FRMD4A: variants seen among roughly 807,000 people sequenced by gnomAD.
FRMD4A encodes the protein FERM domain-containing protein 4A.
In FRMD4A, 29 loss-of-function variants were observed where a neutral mutation model predicts 129.1. That is an observed-to-expected ratio of 0.22 (90% confidence interval 0.17 to 0.31). The LOEUF is 0.31. Among genes scored for constraint, FRMD4A ranks in the 10% least tolerant of loss-of-function variants. The pLI, the probability that FRMD4A is intolerant of heterozygous loss-of-function variation, is 1.00. For synonymous variants in FRMD4A, 634 were observed against 571.6 expected, an observed-to-expected ratio of 1.11 and a Z score of -1.56; for missense variants, 1,272 against 1,375.8, an observed-to-expected ratio of 0.92 and a Z score of 1.19.
intron 2 of FRMD4A, among the ~76,000 whole-genome samples, chr10:14,138,594 G>T (rs1175568222): frequency 2.6e-5 from 4 of 151,750 alleles, no homozygotes; most frequent in Non-Finnish European, 5.9e-5. Context: ...CACCATCTCT[G>T]CTAAAAATAC....
intron 2 of FRMD4A, among the ~76,000 whole-genome samples, chr10:14,068,860 C>G (rs941636751): frequency 6.6e-6 from 1 of 151,950 alleles, no homozygotes; most frequent in African/African-American, 2.4e-5. Flanking sequence ...TTCATTCTCT[C>G]TCTCTCTTTC....
intron 24 of FRMD4A, chr10:13,651,571 AG>A (rs1255500445): frequency 4.3e-4 from 117 of 269,994 alleles, no homozygotes; most frequent in African/African-American, 2.5e-3. Context: ...TGTAGCTACT[AG>A]GGAGCCAGGA....
At chr10:13,739,052 C>T (rs2090832286) in intron 11 of FRMD4A, among the ~76,000 whole-genome samples, 1 of 152,152 alleles carries the variant, frequency 6.6e-6, no homozygotes, top group Non-Finnish European at 1.5e-5. Context: ...AGCAGCTTTT[C>T]CCTAATTGCC....
intron 2 of FRMD4A, among the ~76,000 whole-genome samples, chr10:13,933,756 A>G (rs11591950): frequency 0.2 from 31,132 of 152,148 alleles, 3,565 homozygotes; most frequent in Non-Finnish European, 0.25. Flanking sequence ...TCTCTCCTGT[A>G]TCTCTGCCCC....
At chr10:13,727,228 A>G (rs2089961439) in intron 12 of FRMD4A, among the ~76,000 whole-genome samples, 1 of 152,140 alleles carries the variant, frequency 6.6e-6, no homozygotes, top group African/African-American at 2.4e-5. Context: ...ACACATTTCC[A>G]TGTGATGAGG....
chr10:13,937,530 C>T (rs1320879221), intron 2 of FRMD4A, among the ~76,000 whole-genome samples: 1 of 152,102 alleles, frequency 6.6e-6, no homozygotes, highest in African/African-American at 2.4e-5. Flanking sequence ...TAGGTTTAGA[C>T]CCGCCTCAAA....
At chr10:13,798,643 G>T (rs540771626) in intron 4 of FRMD4A, among the ~76,000 whole-genome samples, 2 of 152,306 alleles carry the variant, frequency 1.3e-5, no homozygotes, top group Admixed American at 1.3e-4. Flanking sequence ...CATGAACCTG[G>T]GAGGTGGAGC....
At chr10:14,259,059 A>G (rs1461955704) in intron 2 of FRMD4A, among the ~76,000 whole-genome samples, 8 of 152,164 alleles carry the variant, frequency 5.3e-5, no homozygotes, top group African/African-American at 1.9e-4. Flanking sequence ...AACAAGGGAT[A>G]TGTTCACTTT....
chr10:13,699,054 C>CTT (rs34061856), intron 14 of FRMD4A, among the ~76,000 whole-genome samples: 4,282 of 128,158 alleles, frequency 0.033, 260 homozygotes, highest in African/African-American at 0.12. Flanking sequence ...CTACAATAAT[C>CTT]TTTTTTTTTT....
chr10:13,923,610 T>C (rs530792678), intron 2 of FRMD4A, among the ~76,000 whole-genome samples: 2 of 152,344 alleles, frequency 1.3e-5, no homozygotes, highest in East Asian at 3.9e-4. Flanking sequence ...TCACTTTTTT[T>C]AAAGAACAGC....
At chr10:14,082,011 G>A (rs1835955728) in intron 2 of FRMD4A, among the ~76,000 whole-genome samples, 2 of 152,246 alleles carry the variant, frequency 1.3e-5, no homozygotes, top group South Asian at 4.1e-4. Context: ...CACTTTGGGA[G>A]GCTGAGGCAG....
rs567441605 is a variant in FRMD4A at position 14,118,653 on chromosome 10, G to A, written c.45+211405C>T. Among the ~76,000 whole-genome samples, 6 of 152,314 alleles carry A rather than the reference G, an allele frequency of 3.9e-5. 2 individuals carry two copies. The South Asian group carries it at 1.2e-3, about 32-fold the overall frequency. On this transcript the variant is annotated intron_variant, in intron 2 of 24. Coordinates refer to ENST00000357447, the MANE Select transcript of FRMD4A (RefSeq NM_018027.5). ...ACAATCATGGTGGAAGATGAAGGAA[G>A]AGCAAAGTCATGTCTTACACAGTGG...
intron 2 of FRMD4A, among the ~76,000 whole-genome samples, chr10:14,094,316 C>T (rs1392753446): frequency 1.3e-5 from 2 of 152,184 alleles, no homozygotes; most frequent in Admixed American, 6.5e-5. Context: ...TGTGCAGGAG[C>T]CCCAGTCAAC....
intron 2 of FRMD4A, among the ~76,000 whole-genome samples, chr10:14,091,713 G>A (rs1466787420): frequency 1.3e-5 from 2 of 152,190 alleles, no homozygotes; most frequent in Non-Finnish European, 2.9e-5. Flanking sequence ...GATTACAGGC[G>A]TGAGCCACCG....
rs761548207 is a variant in FRMD4A at position 13,660,481 on chromosome 10, G to A, written c.1733C>T (p.Ser578Leu). Reference protein sequence around the residue: ...PHKGLPPRPPSHNRPPPPQSL... With the variant: ...PHKGLPPRPPLHNRPPPPQSL... ...CTGGGGAGGAGGAGGCCTGTTGTGC[G>A]ACGGTGGCCGAGGAGGGAGTCCCTT... The change falls in exon 20 of 25, where the codon TCG (serine) becomes TTG (leucine). Residue 578 changes from serine (S) to leucine (L), a missense_variant. Physicochemically the swap from Ser to Leu is moderately radical, Grantham distance 145 (BLOSUM62 -2). Around this residue, in one of 2 missense-constraint regions of FRMD4A, gnomAD observed 972 missense variants for 892.3 expected, o/e 1.09. Coordinates refer to ENST00000357447, the MANE Select transcript of FRMD4A (RefSeq NM_018027.5). The A allele has an allele frequency of 4.3e-6, 7 of 1,614,116 alleles. No individual in the cohort carries two copies. Among genetic ancestry groups the A allele is most frequent in the East Asian group, 4.5e-5 (2 of 44,880 alleles).
intron 15 of FRMD4A, among the ~76,000 whole-genome samples, chr10:13,686,617 G>A (rs1268232664): frequency 7.9e-5 from 12 of 152,202 alleles, no homozygotes; most frequent in Non-Finnish European, 5.9e-5. Context: ...CAGACTGCAA[G>A]TTTTGTTTCA....
At chr10:14,073,948 C>T (rs964478196) in intron 2 of FRMD4A, among the ~76,000 whole-genome samples, 1 of 152,014 alleles carries the variant, frequency 6.6e-6, no homozygotes, top group African/African-American at 2.4e-5. Context: ...TCTGGTTCTA[C>T]TAAAATACAA....
intron 2 of FRMD4A, among the ~76,000 whole-genome samples, chr10:14,209,761 C>T (rs985245466): frequency 2.0e-5 from 3 of 151,682 alleles, no homozygotes; most frequent in African/African-American, 4.8e-5. Flanking sequence ...TGGTGCATGC[C>T]TGCAGTCCCA....
intron 4 of FRMD4A, among the ~76,000 whole-genome samples, chr10:13,809,105 CT>C (rs1178943939): frequency 9.9e-5 from 15 of 152,230 alleles, no homozygotes; most frequent in African/African-American, 3.6e-4. Context: ...TGTGCACCCC[CT>C]GCTGTGACGT....
Sources: gnomAD v4.1 joint callset for allele counts (sites outside exome capture counted in the v4.1 genomes callset) on GRCh38, gnomAD v4.1.1 for gene constraint, gnomAD v4.1.1 regional missense constraint, MANE v1.5 for transcripts, NCBI Gene and HGNC (gene_info 2026-07-23, HGNC 2026-07-21) for gene names.